LRP1B: variants seen among roughly 807,000 people sequenced by gnomAD.
LRP1B encodes the protein LDL receptor related protein 1B.
Under a neutral mutation model 556.6 loss-of-function variants are expected in LRP1B, and 217 were observed. That is an observed-to-expected ratio of 0.39 (90% CI 0.35 to 0.44). LRP1B has a LOEUF of 0.44. Among genes scored for constraint, LRP1B ranks in the 20% least tolerant of loss-of-function variants. LRP1B has a pLI of 1.00. For missense variants in LRP1B, 5,053 were observed against 5,620.8 expected, an observed-to-expected ratio of 0.90 and a Z score of 3.23; for synonymous variants, 2,047 against 1,865.8, an observed-to-expected ratio of 1.10 and a Z score of -2.50.
At chr2:141,095,568 T>C (rs1323138587) in intron 7 of LRP1B, among the ~76,000 whole-genome samples, 1 of 151,886 alleles carries the variant, frequency 6.6e-6, no homozygotes, top group Admixed American at 6.6e-5. Context: ...TTCTATCTTA[T>C]CTTTACTCTC....
At chr2:141,105,079 A>C (rs1026810950) in intron 7 of LRP1B, among the ~76,000 whole-genome samples, 1 of 152,096 alleles carries the variant, frequency 6.6e-6, no homozygotes. Flanking sequence ...AGTAATATCC[A>C]ATAAGTACTA....
At chr2:141,606,024 C>T (rs1687907887) in intron 2 of LRP1B, among the ~76,000 whole-genome samples, 1 of 151,730 alleles carries the variant, frequency 6.6e-6, no homozygotes, top group South Asian at 2.1e-4. Context: ...CTATGAATGG[C>T]TCTTTGTACA....
chr2:140,483,640 A>ATATATT (rs1491228405), intron 59 of LRP1B, among the ~76,000 whole-genome samples: 7 of 70,734 alleles, frequency 9.9e-5, no homozygotes, highest in African/African-American at 4.5e-4. Flanking sequence ...ATATATATAT[A>ATATATT]TTTTTTTTTT....
intron 43 of LRP1B, among the ~76,000 whole-genome samples, chr2:140,593,245 G>C (rs1179254551): frequency 2.0e-5 from 3 of 152,110 alleles, no homozygotes; most frequent in African/African-American, 7.2e-5. Context: ...AATGTCAGTG[G>C]TAAGAAACAT....
intron 2 of LRP1B, among the ~76,000 whole-genome samples, chr2:141,598,708 G>A (rs752738957): frequency 1.3e-5 from 2 of 151,958 alleles, no homozygotes; most frequent in African/African-American, 4.8e-5. Context: ...GCCTACTACC[G>A]AGGTCTGATA....
At chr2:142,100,011 A>G (rs915297032) in intron 1 of LRP1B, among the ~76,000 whole-genome samples, 3 of 151,964 alleles carry the variant, frequency 2.0e-5, no homozygotes, top group Non-Finnish European at 4.4e-5. Flanking sequence ...TCTTTATATC[A>G]AAGAAATTGT....
chr2:141,531,924 T>C (rs1191487965), intron 2 of LRP1B, among the ~76,000 whole-genome samples: 2 of 152,146 alleles, frequency 1.3e-5, no homozygotes, highest in South Asian at 2.1e-4. Context: ...CTGTTGAAAA[T>C]TGGAATTATA....
At chr2:141,692,768 C>T (rs1335099266) in intron 2 of LRP1B, among the ~76,000 whole-genome samples, 3 of 151,988 alleles carry the variant, frequency 2.0e-5, no homozygotes, top group Non-Finnish European at 4.4e-5. Flanking sequence ...CAGCCTGATG[C>T]TCCTAAGCCA....
Position 140,840,435 on chromosome 2 carries a change from A to C in LRP1B, c.5115-350T>G, listed in dbSNP as rs149438936. Among the ~76,000 whole-genome samples, 11 of 152,328 alleles carry C rather than the reference A, an allele frequency of 7.2e-5. No individual in the cohort carries two copies. In the East Asian group the frequency reaches 1.4e-3, roughly 19 times the overall value. Reference sequence around the variant, plus strand: ...TGGCTGTGAAGAAATCAGATGCCATAGAGGGTAACAAACTCATTTCTTCCA... The same window carrying C: ...TGGCTGTGAAGAAATCAGATGCCATCGAGGGTAACAAACTCATTTCTTCCA... On this transcript the variant is annotated intron_variant, in intron 30 of 90. Coordinates refer to ENST00000389484, the MANE Select transcript of LRP1B (RefSeq NM_018557.3).
At chr2:140,926,295 C>A (rs1365855940) in intron 20 of LRP1B, among the ~76,000 whole-genome samples, 2 of 152,038 alleles carry the variant, frequency 1.3e-5, no homozygotes, top group Non-Finnish European at 2.9e-5. Context: ...TTCTCCCCAG[C>A]CTGGATTGCC....
At chr2:141,430,999 T>C in intron 3 of LRP1B, among the ~76,000 whole-genome samples, 1 of 151,876 alleles carries the variant, frequency 6.6e-6, no homozygotes, top group Non-Finnish European at 1.5e-5. Context: ...TAGCCAGGCA[T>C]GGTGCCGTGT....
intron 3 of LRP1B, among the ~76,000 whole-genome samples, chr2:141,417,348 T>A (rs1015106015): frequency 6.6e-6 from 1 of 152,214 alleles, no homozygotes; most frequent in Non-Finnish European, 1.5e-5. Context: ...TCTTCTGGCA[T>A]GATTATTTCT....
At chr2:140,548,256 A>G (rs949738880) in intron 43 of LRP1B, among the ~76,000 whole-genome samples, 3 of 152,166 alleles carry the variant, frequency 2.0e-5, no homozygotes, top group Non-Finnish European at 4.4e-5. Flanking sequence ...AACTTGATAT[A>G]AGGTTTAACT....
chr2:142,105,260 C>T (rs532103648), intron 1 of LRP1B, among the ~76,000 whole-genome samples: 55 of 152,280 alleles, frequency 3.6e-4, no homozygotes, highest in Non-Finnish European at 6.8e-4. Flanking sequence ...GAGTTTTAGA[C>T]AGATCTCTTT....
At chr2:141,018,988 A>G (rs1218151691) in intron 12 of LRP1B, among the ~76,000 whole-genome samples, 2 of 152,088 alleles carry the variant, frequency 1.3e-5, no homozygotes, top group African/African-American at 4.8e-5. Flanking sequence ...AGTAAAGTGT[A>G]AAGAAAATCT....
chr2:140,661,715 T>C (rs1685100539), intron 41 of LRP1B, among the ~76,000 whole-genome samples: 1 of 152,114 alleles, frequency 6.6e-6, no homozygotes. Flanking sequence ...GAGTGAGCAA[T>C]GTAGACAGTT....
intron 7 of LRP1B, among the ~76,000 whole-genome samples, chr2:141,130,571 C>A (rs537973298): frequency 6.6e-6 from 1 of 151,854 alleles, no homozygotes; most frequent in East Asian, 1.9e-4. Flanking sequence ...CCATTATTTC[C>A]ACATCTAAAA....
At chr2:141,673,044 A>G (rs1690734553) in intron 2 of LRP1B, among the ~76,000 whole-genome samples, 1 of 152,180 alleles carries the variant, frequency 6.6e-6, no homozygotes, top group South Asian at 2.1e-4. Flanking sequence ...TGTAAGTTAA[A>G]GTTCCTTAAA....
intron 59 of LRP1B, among the ~76,000 whole-genome samples, chr2:140,480,172 G>A (rs926802911): frequency 2.0e-5 from 3 of 152,174 alleles, no homozygotes; most frequent in Non-Finnish European, 2.9e-5. Context: ...TGTTCAATAT[G>A]TGGTGACCAG....
Sources: gnomAD v4.1 joint callset for allele counts (sites outside exome capture counted in the v4.1 genomes callset) on GRCh38, gnomAD v4.1.1 for gene constraint, MANE v1.5 for transcripts, NCBI Gene and HGNC (gene_info 2026-07-23, HGNC 2026-07-21) for gene names.